Variants in HDLBP observed in about 807,000 individuals in gnomAD.
The protein encoded by HDLBP is high density lipoprotein binding protein, also known as vigilin.
In HDLBP, 30 loss-of-function variants were observed where a neutral mutation model predicts 137.3. That is an observed-to-expected ratio of 0.22 (90% CI 0.16 to 0.30). HDLBP has a LOEUF of 0.30. Among genes scored for constraint, HDLBP ranks in the 10% least tolerant of loss-of-function variants. The pLI is 1.00. For synonymous variants in HDLBP, 606 were observed against 596.0 expected, an observed-to-expected ratio of 1.02 and a Z score of -0.24; for missense variants, 1,119 against 1,667.3, an observed-to-expected ratio of 0.67 and a Z score of 5.73.
intron 1 of HDLBP, among the ~76,000 whole-genome samples, chr2:241,277,646 A>G (rs973389324): frequency 7.9e-5 from 12 of 152,214 alleles, no homozygotes; most frequent in African/African-American, 2.9e-4. Flanking sequence ...ACCTTCCCCA[A>G]TCTTCAAAGA....
At position 241,230,797 on chromosome 2, in the gene HDLBP, G is replaced by A. The variant is rs774308878; in HGVS notation, c.3436C>T (p.Arg1146Cys). 1.9e-6 allele frequency: 3 copies of A among 1,614,078 alleles called. No homozygotes were observed. The highest frequency in any genetic ancestry group is 1.7e-5 in the Admixed American group (1 of 60,006). ...HRVHARIIGA[R>C]GKAIRKIMDE... ...ATGATTTTGCGAATGGCTTTGCCGC[G>A]GGCACCAATGATGCGGGCGTGAACG... The change falls in exon 25 of 28, where the codon CGC becomes TGC. Residue 1146 changes from arginine to cysteine, a missense_variant. Coordinates refer to ENST00000310931, the MANE Select transcript of HDLBP (RefSeq NM_005336.6). The surrounding 1 kb of genome is among the most constrained non-coding windows in gnomAD (Gnocchi z 5.0).
At chr2:241,255,316 A>G in intron 8 of HDLBP, 58 bp downstream of exon 8, 1 of 1,513,562 alleles carries the variant, frequency 6.6e-7, no homozygotes, top group African/African-American at 1.4e-5. Flanking sequence ...GAGCTCATCC[A>G]TGAAGGCCCC....
At chr2:241,255,203 C>T (rs750265706) in intron 8 of HDLBP, 45 bp from the exon 9 acceptor site, 12 of 1,575,282 alleles carry the variant, frequency 7.6e-6, no homozygotes, top group Non-Finnish European at 9.6e-6. Flanking sequence ...AGCTCAAGGT[C>T]GTGTCACAGT....
At chr2:241,313,636 A>G (rs1382505292) in intron 1 of HDLBP, among the ~76,000 whole-genome samples, 1 of 152,176 alleles carries the variant, frequency 6.6e-6, no homozygotes, top group Non-Finnish European at 1.5e-5. Flanking sequence ...CTACACAGCA[A>G]TTTCCAGCAA....
chr2:241,274,041 G>A (rs1173056998), intron 1 of HDLBP, among the ~76,000 whole-genome samples: 4 of 152,144 alleles, frequency 2.6e-5, no homozygotes, highest in African/African-American at 9.7e-5. Context: ...CCAGAAGAGG[G>A]GTGTAAAAGA....
intron 1 of HDLBP, among the ~76,000 whole-genome samples, chr2:241,306,532 T>C (rs2075579799): frequency 6.6e-6 from 1 of 152,068 alleles, no homozygotes. Context: ...GTGCTGGGAC[T>C]ACAGGCGTGA....
At chr2:241,236,993 G>T (rs967257820) in intron 20 of HDLBP, among the ~76,000 whole-genome samples, 9 of 131,684 alleles carry the variant, frequency 6.8e-5, no homozygotes, top group South Asian at 2.6e-4. Context: ...GGGGGGGGGG[G>T]GCGGCAATGA....
chr2:241,283,284 G>C (rs1398392528), intron 1 of HDLBP, among the ~76,000 whole-genome samples: 2 of 152,202 alleles, frequency 1.3e-5, no homozygotes, highest in East Asian at 3.8e-4. Context: ...GGTTCTTGAA[G>C]TTTAAGATCT....
rs534685283 is a variant in HDLBP at position 241,298,381 on chromosome 2, T to A, written c.-103+17189A>T. Among the ~76,000 whole-genome samples the A allele has an allele frequency of 3.7e-3, 555 of 150,550 alleles. 1 individual carries two copies. The highest frequency in any genetic ancestry group is 6.0e-3 in the Non-Finnish European group (408 of 67,546). The stretch of plus-strand genomic sequence containing the variant: ...ACTCAGTCTGAAAAAATAATAATAA[T>A]GAAAAAAATAAATAGATAAATAAAT... On this transcript the variant is annotated intron_variant, in intron 1 of 27. Transcript: ENST00000310931.
Position 241,239,834 on chromosome 2 carries a change from A to G in HDLBP, c.2392-14T>C. On this transcript the variant is annotated splice_polypyrimidine_tract_variant and intron_variant, in intron 18 of 27. Coordinates refer to ENST00000310931, the MANE Select transcript of HDLBP (RefSeq NM_005336.6). The surrounding 1 kb of genome is among the most constrained non-coding windows in gnomAD (Gnocchi z 4.6). ...CACCACATTATCCTGCAGTGTTAAG[A>G]AGAGATGGAAGATAAGCCACCCCAT... 1 of 1,612,354 alleles carries G rather than the reference A, an allele frequency of 6.2e-7. No individual in the cohort carries two copies. Among genetic ancestry groups the G allele is most frequent in the Non-Finnish European group, 8.5e-7 (1 of 1,178,698 alleles).
Position 241,266,860 on chromosome 2 carries a change from C to T in HDLBP, c.10G>A (p.Val4Ile), listed in dbSNP as rs757875254. The change falls in exon 3 of 28, where the codon GTT becomes ATT. Residue 4 changes from valine to isoleucine, a missense_variant. This residue lies in a region of HDLBP where 59 missense variants were observed against 92.4 expected (regional missense o/e 0.64). Coordinates refer to ENST00000310931, the MANE Select transcript of HDLBP (RefSeq NM_005336.6). MSS[V>I]AVLTQESFAE... ...AAACTCTCTTGGGTCAAAACTGCAA[C>T]GGAACTCATGGTTGATCTCACACCT... 2.2e-5 allele frequency: 35 copies of T among 1,614,022 alleles called. 1 individual carries two copies. In the East Asian group the frequency reaches 6.0e-4, roughly 28 times the overall value.
intron 5 of HDLBP, among the ~76,000 whole-genome samples, chr2:241,261,047 A>AG (rs1279975308): frequency 1.1e-4 from 16 of 151,288 alleles, no homozygotes; most frequent in Non-Finnish European, 2.2e-4. Flanking sequence ...AACAAAAAAA[A>AG]AGCCGGGCCT....
Position 241,258,399 on chromosome 2 carries a change from C to G in HDLBP, c.451-1593G>C, listed in dbSNP as rs141560718. Among the ~76,000 whole-genome samples, 1,067 of 149,382 alleles carry G rather than the reference C, an allele frequency of 7.1e-3. 33 individuals carry two copies. In the South Asian group the frequency reaches 0.074, roughly 10 times the overall value. On this transcript the variant is annotated intron_variant, in intron 5 of 27. Transcript: ENST00000310931. ...ATTAGCTGGCCATGGTGACGTGTGC[C>G]TGTGGTCCCAGCTACTGGGGTGGCT...
rs371554897 is a variant in HDLBP, at chr2:241,295,281, G to A, written c.-103+20289C>T. On this transcript the variant is annotated intron_variant, in intron 1 of 27. Transcript: ENST00000310931. ...TATTTACTAAAAAGCTAATAGTATA[G>A]TATTAAAATAAGCAACAGAATGACC... Among the ~76,000 whole-genome samples, 288 of 152,236 alleles carry A rather than the reference G, an allele frequency of 1.9e-3. 1 individual carries two copies. Among genetic ancestry groups the A allele is most frequent in the Non-Finnish European group, 3.0e-3 (204 of 68,022 alleles).
intron 21 of HDLBP, 108 bp from the exon 22 acceptor site, chr2:241,235,702 C>T: frequency 1.4e-6 from 1 of 703,242 alleles, no homozygotes; most frequent in Non-Finnish European, 2.5e-6. Flanking sequence ...CCTATGACAA[C>T]AGCAATGTGC....
chr2:241,313,795 G>C (rs2075843849), intron 1 of HDLBP, among the ~76,000 whole-genome samples: 1 of 152,182 alleles, frequency 6.6e-6, no homozygotes, highest in Non-Finnish European at 1.5e-5. Context: ...TTGCCCACTG[G>C]AGAGGACACT....
At position 241,227,494 on chromosome 2, in the gene HDLBP, G is replaced by A. The variant is rs997633153; in HGVS notation, c.*2107C>T. On this transcript the variant is annotated 3_prime_UTR_variant, in exon 28 of 28. Coordinates refer to ENST00000310931, the MANE Select transcript of HDLBP (RefSeq NM_005336.6). ...CTCACCCCTGCCTCATCTCTGCCCAGGGCTGTCCTGACAGCACAGACGCTT... is the reference window on the plus strand; with the variant it reads ...CTCACCCCTGCCTCATCTCTGCCCAAGGCTGTCCTGACAGCACAGACGCTT... 6.6e-6 allele frequency: 1 copy of A among 152,586 alleles called. No individual in the cohort carries two copies. The highest frequency in any genetic ancestry group is 2.4e-5 in the African/African-American group (1 of 41,456). 9.5% of individuals were successfully genotyped at this position (152,586 alleles called of 1,614,324 possible). A position where few individuals can be genotyped will look rare whatever the true frequency, so the allele number is the denominator to read the frequency against.
intron 22 of HDLBP, 89 bp from the exon 23 acceptor site, chr2:241,235,344 G>A (rs2070278434): frequency 6.4e-7 from 1 of 1,560,964 alleles, no homozygotes; most frequent in Admixed American, 1.7e-5. Flanking sequence ...TGGTGAGAGG[G>A]AAGGCCACCC....
At chr2:241,231,684 C>G (rs1164352012) in intron 24 of HDLBP, among the ~76,000 whole-genome samples, 1 of 152,116 alleles carries the variant, frequency 6.6e-6, no homozygotes, top group East Asian at 1.9e-4. Flanking sequence ...CTCCCTCACT[C>G]AGAGATCCCA....
Sources: gnomAD v4.1 joint callset for allele counts (sites outside exome capture counted in the v4.1 genomes callset) on GRCh38, gnomAD v4.1.1 for gene constraint, gnomAD v4.1.1 regional missense constraint, Gnocchi (gnomAD v3.1) non-coding constraint, MANE v1.5 for transcripts, NCBI Gene and HGNC (gene_info 2026-07-23, HGNC 2026-07-21) for gene names.